The following DCLK1 variants were observed in gnomAD, a reference collection of about 807,000 sequenced individuals.
DCLK1 encodes the protein serine/threonine-protein kinase DCLK1.
In DCLK1, 16 loss-of-function variants were observed where a neutral mutation model predicts 86.2. The ratio of observed to expected loss-of-function variants is 0.19; its 90% CI spans 0.13 to 0.28. The LOEUF (loss-of-function observed/expected upper bound fraction) is 0.28, where lower values mean the gene tolerates loss of function less well. Ranked by LOEUF, DCLK1 falls within the 10% of genes least tolerant of loss-of-function variation. The pLI is 1.00. For missense variants in DCLK1, 590 were observed against 940.2 expected, an observed-to-expected ratio of 0.63 and a Z score of 4.87; for synonymous variants, 369 against 370.5, an observed-to-expected ratio of 1.00 and a Z score of 0.05.
At chr13:35,811,106 A>T (rs1020572900) in intron 11 of DCLK1, 138 bp from the exon 12 acceptor site, 1 of 1,032,354 alleles carries the variant, frequency 9.7e-7, no homozygotes, top group Non-Finnish European at 1.4e-6. Flanking sequence ...AAGAATGGAT[A>T]TACATACAAA....
chr13:35,779,049 C>T (rs1460563093), intron 16 of DCLK1, among the ~76,000 whole-genome samples: 7 of 152,060 alleles, frequency 4.6e-5, no homozygotes, highest in Non-Finnish European at 8.8e-5. Flanking sequence ...GAGTCTCACT[C>T]TTGTTGCCCA....
At chr13:36,026,604 G>A (rs909079183) in intron 3 of DCLK1, among the ~76,000 whole-genome samples, 7 of 152,022 alleles carry the variant, frequency 4.6e-5, no homozygotes, top group South Asian at 2.1e-4. Flanking sequence ...AAATGGAATC[G>A]ACAAAAAATG....
At chr13:36,032,187 G>T (rs1369193065) in intron 3 of DCLK1, among the ~76,000 whole-genome samples, 2 of 150,652 alleles carry the variant, frequency 1.3e-5, no homozygotes, top group Admixed American at 1.3e-4. Context: ...TGTCGCCTAG[G>T]CAGGAGTGCA....
chr13:35,987,902 T>G (rs1880019618), intron 3 of DCLK1, among the ~76,000 whole-genome samples: 1 of 152,052 alleles, frequency 6.6e-6, no homozygotes, highest in African/African-American at 2.4e-5. Flanking sequence ...TATGGCACAA[T>G]CTCCTCCCTG....
intron 3 of DCLK1, among the ~76,000 whole-genome samples, chr13:36,015,955 G>A (rs1372786676): frequency 6.6e-6 from 1 of 152,178 alleles, no homozygotes; most frequent in South Asian, 2.1e-4. Flanking sequence ...ATTAGAACCA[G>A]TTAACCAGCA....
chr13:35,825,597 AG>A (rs778978241), intron 10 of DCLK1, among the ~76,000 whole-genome samples: 5 of 152,116 alleles, frequency 3.3e-5, no homozygotes, highest in African/African-American at 4.8e-5. Flanking sequence ...AGTGGGGGTA[AG>A]TCAATAATAA....
intron 5 of DCLK1, among the ~76,000 whole-genome samples, chr13:35,860,454 T>C (rs1177524268): frequency 6.6e-6 from 1 of 152,216 alleles, no homozygotes; most frequent in Admixed American, 6.5e-5. Flanking sequence ...TCTGATTTTC[T>C]CCATGTCTGT....
chr13:36,098,686 T>C (rs1885095449), intron 3 of DCLK1, among the ~76,000 whole-genome samples: 1 of 152,212 alleles, frequency 6.6e-6, no homozygotes, highest in Non-Finnish European at 1.5e-5. Context: ...TGTAAACATC[T>C]CCAAAGTCAA....
At chr13:35,896,126 T>G (rs1304730566) in intron 4 of DCLK1, among the ~76,000 whole-genome samples, 1 of 152,194 alleles carries the variant, frequency 6.6e-6, no homozygotes, top group Non-Finnish European at 1.5e-5. Context: ...TGAATATTTA[T>G]TTTCAAACAA....
intron 3 of DCLK1, among the ~76,000 whole-genome samples, chr13:35,967,270 G>GC (rs1183238134): frequency 1.3e-5 from 2 of 148,274 alleles, no homozygotes. Context: ...CTGCCCGGCC[G>GC]CCCCGTCTGG....
At chr13:36,031,021 A>C (rs1423341918) in intron 3 of DCLK1, among the ~76,000 whole-genome samples, 3 of 152,122 alleles carry the variant, frequency 2.0e-5, no homozygotes, top group African/African-American at 7.2e-5. Context: ...CTTATTTCTA[A>C]ACCATGTATA....
chr13:36,019,610 G>GA (rs1881685132), intron 3 of DCLK1, among the ~76,000 whole-genome samples: 1 of 152,076 alleles, frequency 6.6e-6, no homozygotes. Flanking sequence ...CACTTATCAC[G>GA]ATTCTAAACA....
intron 3 of DCLK1, among the ~76,000 whole-genome samples, chr13:35,953,876 GC>G (rs1234531668): frequency 6.6e-6 from 1 of 152,122 alleles, no homozygotes; most frequent in Non-Finnish European, 1.5e-5. Flanking sequence ...TATCTCTGCA[GC>G]CCTGGATGCA....
At chr13:35,828,091 C>T (rs988529786) in intron 9 of DCLK1, among the ~76,000 whole-genome samples, 159 bp downstream of exon 9, 2 of 152,030 alleles carry the variant, frequency 1.3e-5, no homozygotes, top group African/African-American at 4.8e-5. Context: ...AACTTTTATC[C>T]CAGGGATATA....
chr13:35,826,969 C>A (rs1030028846), intron 10 of DCLK1, among the ~76,000 whole-genome samples: 1 of 152,150 alleles, frequency 6.6e-6, no homozygotes, highest in Non-Finnish European at 1.5e-5. Context: ...ATGAAGCATG[C>A]CATTTTTTAA....
intron 3 of DCLK1, among the ~76,000 whole-genome samples, chr13:35,987,787 G>C (rs923400893): frequency 6.6e-6 from 1 of 152,110 alleles, no homozygotes; most frequent in South Asian, 2.1e-4. Flanking sequence ...CTTTTCCCTC[G>C]GACTTGAGGT....
chr13:36,027,144 G>C (rs905606485), intron 3 of DCLK1, among the ~76,000 whole-genome samples: 1 of 152,058 alleles, frequency 6.6e-6, no homozygotes, highest in East Asian at 1.9e-4. Context: ...TTTTGGAACC[G>C]GGGACCAGTT....
chr13:35,926,987 G>C (rs1305067149), intron 4 of DCLK1, among the ~76,000 whole-genome samples: 1 of 152,214 alleles, frequency 6.6e-6, no homozygotes, highest in Non-Finnish European at 1.5e-5. Flanking sequence ...GAAGTCAGCA[G>C]CTTTTGGAAG....
At chr13:35,989,915 A>T (rs1203369598) in intron 3 of DCLK1, among the ~76,000 whole-genome samples, 1 of 152,146 alleles carries the variant, frequency 6.6e-6, no homozygotes, top group Non-Finnish European at 1.5e-5. Flanking sequence ...ATTTAATTTT[A>T]AAAAATAACT....
Sources: allele counts gnomAD v4.1 joint callset (sites outside exome capture counted in the v4.1 genomes callset), GRCh38; gene constraint gnomAD v4.1.1; transcripts MANE v1.5; gene names NCBI Gene and HGNC (gene_info 2026-07-23, HGNC 2026-07-21).